PHF21A: variants seen among roughly 807,000 people sequenced by gnomAD.
PHF21A encodes the protein BHC80a.
In PHF21A, 11 loss-of-function variants were observed where a neutral mutation model predicts 82.5. The ratio of observed to expected loss-of-function variants is 0.13; its 90% confidence interval spans 0.08 to 0.22. The LOEUF (loss-of-function observed/expected upper bound fraction) is 0.22. Among genes scored for constraint, PHF21A ranks in the 10% least tolerant of loss-of-function variants. PHF21A has a pLI of 1.00. For missense variants in PHF21A, 579 were observed against 837.8 expected (o/e 0.69, Z 3.81); for synonymous variants, 297 against 302.8 (o/e 0.98, Z 0.20).
chr11:46,114,676 A>T (rs559377339), intron 1 of PHF21A, among the ~76,000 whole-genome samples: 14 of 152,106 alleles, frequency 9.2e-5, no homozygotes, highest in African/African-American at 1.9e-4. Context: ...TTTAAAATTT[A>T]AAAAAAACAC....
intron 6 of PHF21A, among the ~76,000 whole-genome samples, chr11:46,043,564 G>A (rs189189230): frequency 1.9e-4 from 29 of 151,954 alleles, no homozygotes; most frequent in Non-Finnish European, 2.9e-4. Flanking sequence ...TGATAAAGAC[G>A]AGCTCTGCCA....
At chr11:46,032,715 A>G (rs761234769) in intron 6 of PHF21A, among the ~76,000 whole-genome samples, 7 of 152,182 alleles carry the variant, frequency 4.6e-5, no homozygotes, top group Non-Finnish European at 8.8e-5. Flanking sequence ...TCTTACAAGT[A>G]CACAGACTTG....
intron 6 of PHF21A, among the ~76,000 whole-genome samples, chr11:46,051,616 A>T (rs2096367457): frequency 6.6e-6 from 1 of 152,170 alleles, no homozygotes; most frequent in Admixed American, 6.5e-5. Flanking sequence ...GTTCTCATTA[A>T]CCAGCTGTTT....
At chr11:46,003,547 G>C (rs2095211987) in intron 6 of PHF21A, among the ~76,000 whole-genome samples, 1 of 152,092 alleles carries the variant, frequency 6.6e-6, no homozygotes, top group Non-Finnish European at 1.5e-5. Context: ...CTGCCCTGCT[G>C]CCCATAATGA....
intron 10 of PHF21A, among the ~76,000 whole-genome samples, chr11:45,963,959 G>A (rs1041223378): frequency 6.6e-6 from 1 of 152,094 alleles, no homozygotes; most frequent in African/African-American, 2.4e-5. Context: ...ACCACTTTGG[G>A]AGGCTGAGGC....
intron 6 of PHF21A, among the ~76,000 whole-genome samples, chr11:46,004,987 A>T (rs922461108): frequency 1.3e-5 from 2 of 152,172 alleles, no homozygotes; most frequent in Non-Finnish European, 2.9e-5. Context: ...TCTTACTGCA[A>T]ATGTCTCTGA....
chr11:45,929,646 G>C lies in PHF21A; in HGVS notation c.*4322C>G, dbSNP rs547133986. On this transcript the variant is annotated 3_prime_UTR_variant, in exon 19 of 19. Coordinates refer to ENST00000676320, the MANE Select transcript of PHF21A (RefSeq NM_001352027.3). The stretch of plus-strand genomic sequence containing the variant: ...AGAGGTGAGGGTCCAAAGGCTGCTG[G>C]GGAAGGGGTAGGGGGGTGGGGTCCT... 47 of 152,506 alleles carry C rather than the reference G, an allele frequency of 3.1e-4. No homozygotes were observed. Among genetic ancestry groups the C allele is most frequent in the African/African-American group, 1.1e-3 (47 of 41,544 alleles). The allele number at this position is 152,506 out of a possible 1,614,324, so 9.4% of individuals were successfully genotyped here. A position where few individuals can be genotyped will look rare whatever the true frequency, so the allele number is the denominator to read the frequency against.
chr11:45,969,921 AT>A lies in PHF21A; in HGVS notation c.613-18del. ...CTGAACCTGCTAAAAAATGAGGAAGATAAATAAACCAGAGAGAACAATTACT... is the reference window on the plus strand; with the variant it reads ...CTGAACCTGCTAAAAAATGAGGAAGAAAATAAACCAGAGAGAACAATTACT... On this transcript the variant is annotated intron_variant, in intron 8 of 18. Coordinates refer to ENST00000676320, the MANE Select transcript of PHF21A (RefSeq NM_001352027.3). The A allele has an allele frequency of 6.5e-7, 1 of 1,548,098 alleles. No individual in the cohort carries two copies. The highest frequency in any genetic ancestry group is 2.2e-5 in the East Asian group (1 of 44,460).
intron 7 of PHF21A, among the ~76,000 whole-genome samples, chr11:45,977,575 T>C (rs1007884318): frequency 1.3e-5 from 2 of 152,210 alleles, no homozygotes; most frequent in Non-Finnish European, 2.9e-5. Context: ...ACCTGTACTT[T>C]GGAAAGAGAA....
At chr11:46,053,413 T>C (rs929797163) in intron 6 of PHF21A, among the ~76,000 whole-genome samples, 3 of 152,172 alleles carry the variant, frequency 2.0e-5, no homozygotes, top group African/African-American at 7.2e-5. Context: ...AAATGTGCTA[T>C]ACTTTCAACC....
intron 6 of PHF21A, among the ~76,000 whole-genome samples, chr11:46,072,218 T>C (rs1046590685): frequency 6.6e-6 from 1 of 152,242 alleles, no homozygotes; most frequent in African/African-American, 2.4e-5. Context: ...CCTTGAATTT[T>C]ATCTGGCCAT....
chr11:46,051,327 T>C (rs975965322), intron 6 of PHF21A, among the ~76,000 whole-genome samples: 1 of 152,176 alleles, frequency 6.6e-6, no homozygotes, highest in Non-Finnish European at 1.5e-5. Flanking sequence ...AGGTGGCATG[T>C]CATTTCAGTG....
chr11:46,106,913 C>G (rs1009546510), intron 1 of PHF21A, among the ~76,000 whole-genome samples: 1 of 152,182 alleles, frequency 6.6e-6, no homozygotes, highest in Non-Finnish European at 1.5e-5. Flanking sequence ...AATCCTTCAG[C>G]CTTTCACAGA....
rs2087533097 is a variant in PHF21A at position 45,930,159 on chromosome 11, C to G, written c.*3809G>C. The G allele has an allele frequency of 6.6e-6, 1 of 152,298 alleles. No individual in the cohort carries two copies. The highest frequency in any genetic ancestry group is 6.5e-5 in the Admixed American group (1 of 15,280). 9.4% of individuals were successfully genotyped at this position (152,298 alleles called of 1,614,324 possible). A position where few individuals can be genotyped will look rare whatever the true frequency, so the allele number is the denominator to read the frequency against. ...GAAACCACTGAAGAGTGTGTGTGAG[C>G]TGGGAGGTGACAGCCCAAGGGAGGC... is the stretch of plus-strand genomic sequence containing the variant. On this transcript the variant is annotated 3_prime_UTR_variant, in exon 19 of 19. Transcript: ENST00000676320.
Position 45,968,336 on chromosome 11 carries a change from A to G in PHF21A, c.702+1479T>C, listed in dbSNP as rs2093570118. On this transcript the variant is annotated intron_variant, in intron 9 of 18. Transcript: ENST00000676320. ...CCTAGGATAAGGCCCAGGTTCTTGC[A>G]TAGCCTACAAGGTTCCACCAGCTCT... Among the ~76,000 whole-genome samples the G allele has an allele frequency of 2.0e-5, 3 of 152,208 alleles. 1 individual carries two copies. The South Asian group carries it at 6.2e-4, about 31-fold the overall frequency.
intron 8 of PHF21A, 104 bp from the exon 9 acceptor site, chr11:45,970,008 A>G: frequency 1.2e-6 from 1 of 808,754 alleles, no homozygotes; most frequent in South Asian, 1.5e-5. Context: ...AATATTTTCT[A>G]CAAGCTTTCA....
At chr11:46,086,173 C>CAGTG (rs1398590361) in intron 3 of PHF21A, among the ~76,000 whole-genome samples, 1 of 151,496 alleles carries the variant, frequency 6.6e-6, no homozygotes, top group African/African-American at 2.4e-5. Flanking sequence ...GGCTGGAGTG[C>CAGTG]AGTGGCACGA....
At chr11:46,072,367 C>T (rs1030181314) in intron 6 of PHF21A, among the ~76,000 whole-genome samples, 10 of 152,156 alleles carry the variant, frequency 6.6e-5, no homozygotes, top group Non-Finnish European at 1.5e-4. Flanking sequence ...AAATAAAGGG[C>T]TTGCTCTTTG....
intron 4 of PHF21A, among the ~76,000 whole-genome samples, chr11:46,083,287 C>T (rs1216137964): frequency 6.6e-6 from 1 of 152,094 alleles, no homozygotes; most frequent in Non-Finnish European, 1.5e-5. Context: ...GATTTCTGAA[C>T]AGGTGCTTTT....
Sources: gnomAD v4.1 joint callset for allele counts (sites outside exome capture counted in the v4.1 genomes callset) on GRCh38, gnomAD v4.1.1 for gene constraint, MANE v1.5 for transcripts, NCBI Gene and HGNC (gene_info 2026-07-23, HGNC 2026-07-21) for gene names.